The following ADGRL3 variants were observed in gnomAD, a reference collection of about 807,000 sequenced individuals.
The protein encoded by ADGRL3 is calcium-independent alpha-latrotoxin receptor 3.
Under a neutral mutation model 153.5 loss-of-function variants are expected in ADGRL3, and 62 were observed. The observed-to-expected ratio is 0.40, with a 90% CI of 0.33 to 0.50. The LOEUF (loss-of-function observed/expected upper bound fraction) is 0.50, where lower values mean the gene tolerates loss of function less well. ADGRL3 is among the 20% of genes least tolerant of loss of function. The pLI, the probability that ADGRL3 is intolerant of heterozygous loss-of-function variation, is 0.47. For synonymous variants in ADGRL3, 710 were observed against 672.5 expected (o/e 1.06, Z -0.86); for missense variants, 1,641 against 1,859.4 (o/e 0.88, Z 2.16).
chr4:61,689,705 A>G (rs1262017789), intron 6 of ADGRL3, among the ~76,000 whole-genome samples: 1 of 152,144 alleles, frequency 6.6e-6, no homozygotes, highest in Admixed American at 6.6e-5. Context: ...CTTCCAGAGA[A>G]ATTTCAGTAT....
rs563637813 is a variant in ADGRL3 at position 61,656,013 on chromosome 4, T to C, written c.474-20813T>C. ...AGGATTGGTGGTTGACTTAGTTTTC[T>C]CTGTTACGTTTTCCCCAGTGGCTTG... On this transcript the variant is annotated intron_variant, in intron 5 of 26. Coordinates refer to ENST00000683033, the MANE Select transcript of ADGRL3 (RefSeq NM_001387552.1). Among the ~76,000 whole-genome samples, 191 of 152,328 alleles carry C rather than the reference T, an allele frequency of 1.3e-3. 1 individual carries two copies. Among genetic ancestry groups the C allele is most frequent in the Admixed American group, 2.5e-3 (38 of 15,296 alleles).
At chr4:62,060,851 C>A (rs907844211) in intron 25 of ADGRL3, among the ~76,000 whole-genome samples, 1 of 151,822 alleles carries the variant, frequency 6.6e-6, no homozygotes, top group Non-Finnish European at 1.5e-5. Context: ...TCTGCCATTG[C>A]ACTATGTAAG....
chr4:61,335,583 C>T (rs1578318736), intron 1 of ADGRL3, among the ~76,000 whole-genome samples: 2 of 152,186 alleles, frequency 1.3e-5, no homozygotes, highest in Non-Finnish European at 2.9e-5. Flanking sequence ...TTCTTTTTTA[C>T]TTAGAGCAAT....
intron 2 of ADGRL3, among the ~76,000 whole-genome samples, chr4:61,418,192 C>T (rs1302620818): frequency 3.3e-5 from 5 of 152,230 alleles, no homozygotes; most frequent in Admixed American, 2.6e-4. Flanking sequence ...TGCTCAACAA[C>T]TTTCTCTTAT....
intron 2 of ADGRL3, among the ~76,000 whole-genome samples, chr4:61,483,733 G>T (rs530575445): frequency 1.3e-5 from 2 of 150,964 alleles, no homozygotes; most frequent in Admixed American, 1.3e-4. Context: ...GCAAAATTCT[G>T]TCAAAAAAAT....
chr4:62,000,022 ATAAAT>A (rs1293043002), intron 21 of ADGRL3, among the ~76,000 whole-genome samples: 1 of 152,070 alleles, frequency 6.6e-6, no homozygotes, highest in African/African-American at 2.4e-5. Flanking sequence ...TTGAATTTGC[ATAAAT>A]TAAATAGGCA....
At chr4:61,360,758 C>T (rs190959093) in intron 1 of ADGRL3, among the ~76,000 whole-genome samples, 1 of 152,186 alleles carries the variant, frequency 6.6e-6, no homozygotes, top group East Asian at 1.9e-4. Context: ...TTGTCATATA[C>T]CACATACTAG....
At chr4:61,588,874 T>C (rs969334330) in intron 5 of ADGRL3, among the ~76,000 whole-genome samples, 1 of 152,016 alleles carries the variant, frequency 6.6e-6, no homozygotes, top group Non-Finnish European at 1.5e-5. Flanking sequence ...TAACCAAACA[T>C]AAGATTCTGT....
At chr4:61,644,372 T>G (rs1309303093) in intron 5 of ADGRL3, among the ~76,000 whole-genome samples, 17 of 151,994 alleles carry the variant, frequency 1.1e-4, no homozygotes, top group Non-Finnish European at 1.9e-4. Flanking sequence ...GTTCTTTTAA[T>G]TGTGATGTTA....
In ADGRL3 at chr4:61,705,496, T is replaced by TTA. The variant is rs111974441; in HGVS notation, c.584-25110_584-25109dup. On this transcript the variant is annotated intron_variant, in intron 6 of 26. Coordinates refer to ENST00000683033, the MANE Select transcript of ADGRL3 (RefSeq NM_001387552.1). The stretch of plus-strand genomic sequence containing the variant: ...GATTACATATAGTTATACATATATT[T>TTA]TATATATATATATATATTTGAGACA... 3.5e-3 allele frequency among the ~76,000 whole-genome samples: 513 copies of TTA among 147,092 alleles called. 5 individuals are homozygous for TTA. The highest frequency in any genetic ancestry group is 8.8e-3 in the African/African-American group (356 of 40,500).
At chr4:61,763,096 T>A (rs923758123) in intron 8 of ADGRL3, among the ~76,000 whole-genome samples, 7 of 152,100 alleles carry the variant, frequency 4.6e-5, no homozygotes, top group African/African-American at 1.7e-4. Context: ...CAAAAACACA[T>A]CCTACTTTTC....
At chr4:61,410,013 C>A (rs1483073057) in intron 2 of ADGRL3, among the ~76,000 whole-genome samples, 1 of 151,740 alleles carries the variant, frequency 6.6e-6, no homozygotes. Flanking sequence ...TGTTTTTAAT[C>A]TCCTCTAAAG....
At chr4:61,502,842 T>C (rs1329711526) in intron 3 of ADGRL3, among the ~76,000 whole-genome samples, 1 of 152,200 alleles carries the variant, frequency 6.6e-6, no homozygotes, top group African/African-American at 2.4e-5. Flanking sequence ...AAGAGTCAGG[T>C]TGACTTCTAA....
chr4:61,336,392 T>C (rs1171520360), intron 1 of ADGRL3, among the ~76,000 whole-genome samples: 1 of 152,152 alleles, frequency 6.6e-6, no homozygotes, highest in East Asian at 1.9e-4. Context: ...TACCTTCCCA[T>C]GTTGTGGGAG....
intron 8 of ADGRL3, among the ~76,000 whole-genome samples, chr4:61,763,176 C>T (rs1012870525): frequency 6.6e-5 from 10 of 150,676 alleles, no homozygotes; most frequent in Non-Finnish European, 1.3e-4. Flanking sequence ...TATTTTTAAC[C>T]GTTAGTAACA....
At chr4:61,397,171 G>A (rs1169722391) in intron 2 of ADGRL3, among the ~76,000 whole-genome samples, 1 of 151,730 alleles carries the variant, frequency 6.6e-6, no homozygotes, top group African/African-American at 2.4e-5. Flanking sequence ...ATAAAGTTAT[G>A]TCTTTTAAAC....
In ADGRL3 at chr4:61,749,439, A is replaced by T. The variant is rs2096721517; in HGVS notation, c.1399+15885A>T. 3.9e-5 allele frequency among the ~76,000 whole-genome samples: 6 copies of T among 152,060 alleles called. 1 individual carries two copies. In the South Asian group the frequency reaches 1.2e-3, roughly 31 times the overall value. ...TGTTTATTGTGGCACTATGCACAATAGCAAAGACTTGGAACCAACCAAATA... is the reference window on the plus strand; with the variant it reads ...TGTTTATTGTGGCACTATGCACAATTGCAAAGACTTGGAACCAACCAAATA... On this transcript the variant is annotated intron_variant, in intron 8 of 26. Coordinates refer to ENST00000683033, the MANE Select transcript of ADGRL3 (RefSeq NM_001387552.1).
chr4:61,682,566 T>A lies in ADGRL3; in HGVS notation c.583+5631T>A, dbSNP rs866475092. 5.1e-3 allele frequency among the ~76,000 whole-genome samples: 737 copies of A among 143,212 alleles called. 10 individuals are homozygous for A. Among genetic ancestry groups the A allele is most frequent in the African/African-American group, 0.017 (647 of 38,940 alleles). The allele number at this position is 143,212 out of a possible 152,430, so 94.0% of individuals were successfully genotyped here. A position where few individuals can be genotyped will look rare whatever the true frequency, so the allele number is the denominator to read the frequency against. Reference sequence around the variant, plus strand: ...GTTACTTTCTTTCTTTAAAAAAATTTTTTTTTTTTTTTTTTGTAGACCTAG... The same window carrying A: ...GTTACTTTCTTTCTTTAAAAAAATTATTTTTTTTTTTTTTTGTAGACCTAG... On this transcript the variant is annotated intron_variant, in intron 6 of 26. Coordinates refer to ENST00000683033, the MANE Select transcript of ADGRL3 (RefSeq NM_001387552.1).
chr4:61,512,537 T>A (rs1453046941), intron 3 of ADGRL3, among the ~76,000 whole-genome samples: 1 of 152,066 alleles, frequency 6.6e-6, no homozygotes, highest in Non-Finnish European at 1.5e-5. Context: ...TGAGCTAGAA[T>A]ATAATAAAAT....
Sources: allele counts gnomAD v4.1 joint callset (sites outside exome capture counted in the v4.1 genomes callset), GRCh38; gene constraint gnomAD v4.1.1; transcripts MANE v1.5; gene names NCBI Gene and HGNC (gene_info 2026-07-23, HGNC 2026-07-21).